The following GPR35 variants were observed in gnomAD, a reference collection of about 807,000 sequenced individuals.
The protein encoded by GPR35 is G protein-coupled receptor 35.
For synonymous variants in GPR35, 207 were observed against 198.4 expected (o/e 1.04, Z -0.36); for missense variants, 372 against 422.5 (o/e 0.88, Z 1.05).
chr2:240,612,949 A>G (rs1490411927), intron 2 of GPR35, among the ~76,000 whole-genome samples: 1 of 152,244 alleles, frequency 6.6e-6, no homozygotes, highest in African/African-American at 2.4e-5. Flanking sequence ...GGGCGCGGAC[A>G]TAACCCAGCC....
At chr2:240,623,329 C>CAAACAGGTCGTGAGGGT (rs1559437478), upstream of GPR35, among the ~76,000 whole-genome samples, 19 of 102,536 alleles carry the variant, frequency 1.9e-4, no homozygotes, top group African/African-American at 6.1e-4. Context: ...GTCGTGAGGG[C>CAAACAGGTCGTGAGGGT]GCAAACAGGT....
intron 1 of GPR35, among the ~76,000 whole-genome samples, chr2:240,626,678 G>A (rs953796243): frequency 9.2e-5 from 14 of 152,184 alleles, no homozygotes; most frequent in African/African-American, 3.4e-4. Context: ...TGGGTCCTGG[G>A]GTGTGGTGTG....
chr2:240,607,994 T>C (rs12619804), intron 2 of GPR35, among the ~76,000 whole-genome samples: 90,283 of 151,872 alleles, frequency 0.59, 26,924 homozygotes, highest in East Asian at 0.67. Context: ...TGGGCTCAAG[T>C]GATCCTCCCA....
intron 1 of GPR35, among the ~76,000 whole-genome samples, chr2:240,627,063 G>C (rs953911194): frequency 6.6e-6 from 1 of 152,228 alleles, no homozygotes; most frequent in African/African-American, 2.4e-5. Flanking sequence ...CTCCTGGGCA[G>C]GAAGTGGAAG....
chr2:240,624,578 C>T (rs537553348), upstream of GPR35, among the ~76,000 whole-genome samples: 21 of 152,304 alleles, frequency 1.4e-4, no homozygotes, highest in Admixed American at 1.3e-4. Context: ...CCTGGGCGTC[C>T]GTTTCCACCG....
chr2:240,627,689 G>T (rs2043394305), intron 1 of GPR35: 1 of 119,008 alleles, frequency 8.4e-6, no homozygotes. Context: ...TGCCCAGGTT[G>T]TTCTTAAACT....
chr2:240,627,305 T>G (rs2043389205), intron 1 of GPR35: 1 of 152,230 alleles, frequency 6.6e-6, no homozygotes, highest in African/African-American at 2.4e-5. Context: ...TTTCCTGAAC[T>G]TTTCTGGGAG....
chr2:240,618,668 A>G (rs776192102), intron 4 of GPR35, among the ~76,000 whole-genome samples: 1 of 152,222 alleles, frequency 6.6e-6, no homozygotes, highest in Non-Finnish European at 1.5e-5. Flanking sequence ...GTCCGTCCCT[A>G]TCCCCATCCC....
intron 2 of GPR35, among the ~76,000 whole-genome samples, chr2:240,607,868 T>G (rs2043149853): frequency 6.6e-6 from 1 of 151,918 alleles, no homozygotes; most frequent in East Asian, 1.9e-4. Flanking sequence ...CCTCCTCTTC[T>G]TTCTTCTTTC....
In GPR35 at chr2:240,632,341, G is replaced by A. The variant is rs1013647896; in HGVS notation, c.*1459G>A. On this transcript the variant is annotated 3_prime_UTR_variant, in exon 2 of 2. Transcript: ENST00000407714. ...TGTGCTCAGGAGGATACATGTCCAG[G>A]AGTGTCCCTGTCCAGGAGGCTCCAT... Among the ~76,000 whole-genome samples the A allele has an allele frequency of 2.0e-5, 3 of 151,290 alleles. No homozygotes were observed. Among genetic ancestry groups the A allele is most frequent in the Non-Finnish European group, 3.0e-5 (2 of 67,790 alleles).
chr2:240,625,186 G>C (rs74591070), upstream of GPR35: 784 of 820,036 alleles, frequency 9.6e-4, 7 homozygotes, highest in African/African-American at 0.014. Context: ...GAGGAGGAAG[G>C]CTCCGTGGGC....
chr2:240,619,059 T>C (rs1276391727), intron 5 of GPR35: 4 of 699,564 alleles, frequency 5.7e-6, no homozygotes, highest in African/African-American at 1.7e-5. Flanking sequence ...AGTGGGGTTA[T>C]TGGGTCAAAG....
At chr2:240,613,638 C>CT (rs2043208019) in intron 2 of GPR35, among the ~76,000 whole-genome samples, 1 of 152,048 alleles carries the variant, frequency 6.6e-6, no homozygotes, top group Non-Finnish European at 1.5e-5. Flanking sequence ...AACGAAAACT[C>CT]TAACCCTAAC....
chr2:240,611,936 C>T (rs552470643), intron 2 of GPR35, among the ~76,000 whole-genome samples: 1 of 152,174 alleles, frequency 6.6e-6, no homozygotes, highest in African/African-American at 2.4e-5. Context: ...GACCCAAATG[C>T]AGGACAGTAG....
At chr2:240,605,731 C>T (rs538885064) in intron 1 of GPR35, among the ~76,000 whole-genome samples, 5 of 152,228 alleles carry the variant, frequency 3.3e-5, no homozygotes, top group Admixed American at 1.3e-4. Context: ...GCGCCTTGCT[C>T]GCTGTCCCTT....
intron 1 of GPR35, chr2:240,629,046 C>G (rs1357310245): frequency 2.0e-5 from 3 of 152,330 alleles, no homozygotes; most frequent in Non-Finnish European, 4.4e-5. Context: ...CAGACCCTGC[C>G]CAGGTCCAGC....
chr2:240,630,997 T>A lies in GPR35; in HGVS notation c.*115T>A. 1 of 858,544 alleles carries A rather than the reference T, an allele frequency of 1.2e-6. No homozygotes were observed. Among genetic ancestry groups the A allele is most frequent in the Non-Finnish European group, 1.8e-6 (1 of 541,282 alleles). 53.2% of individuals were successfully genotyped at this position (858,544 alleles called of 1,614,324 possible). On this transcript the variant is annotated 3_prime_UTR_variant, in exon 2 of 2. Coordinates refer to ENST00000407714, the MANE Select transcript of GPR35 (RefSeq NM_005301.5). ...CGAGATCAGCCCTGAACTCACTGTG[T>A]ATTCTCTTGGAGCCTTGGGTGGGCA...
At chr2:240,608,968 A>G (rs1293610018) in intron 2 of GPR35, among the ~76,000 whole-genome samples, 2 of 152,192 alleles carry the variant, frequency 1.3e-5, no homozygotes, top group African/African-American at 2.4e-5. Flanking sequence ...TGTGACTTTC[A>G]GTAGATGTTT....
intron 2 of GPR35, among the ~76,000 whole-genome samples, chr2:240,615,605 A>G (rs1351501062): frequency 6.6e-6 from 1 of 152,204 alleles, no homozygotes; most frequent in African/African-American, 2.4e-5. Context: ...CACTCCATCT[A>G]TGGGCTCAAA....
Sources: allele counts gnomAD v4.1 joint callset (sites outside exome capture counted in the v4.1 genomes callset), GRCh38; gene constraint gnomAD v4.1.1; transcripts MANE v1.5; gene names NCBI Gene and HGNC (gene_info 2026-07-23, HGNC 2026-07-21).